CCDC148: variants seen among roughly 807,000 people sequenced by gnomAD.
The protein encoded by CCDC148 is coiled-coil domain containing 148.
Under a neutral mutation model 85.7 loss-of-function variants are expected in CCDC148, and 89 were observed. That is an observed-to-expected ratio of 1.04 (90% CI 0.87 to 1.24). CCDC148 has a LOEUF of 1.24. Among genes scored for constraint, CCDC148 ranks in the 50% most tolerant of loss-of-function variants. CCDC148 has a pLI of 0.00. For missense variants in CCDC148, 692 were observed against 671.7 expected (o/e 1.03, Z -0.33); for synonymous variants, 230 against 213.9 (o/e 1.08, Z -0.66).
intron 2 of CCDC148, among the ~76,000 whole-genome samples, chr2:158,349,195 T>G (rs770837972): frequency 1.3e-5 from 2 of 152,076 alleles, no homozygotes; most frequent in Non-Finnish European, 2.9e-5. Context: ...AGCAATAATC[T>G]CTTTATGTGC....
intron 1 of CCDC148, chr2:158,425,139 G>T (rs1687015777): frequency 2.0e-6 from 1 of 505,458 alleles, no homozygotes; most frequent in South Asian, 1.4e-5. Context: ...TAGTGCCTAT[G>T]GTGGTGATCA....
chr2:158,189,664 C>T (rs1685325930), intron 11 of CCDC148, among the ~76,000 whole-genome samples: 1 of 151,932 alleles, frequency 6.6e-6, no homozygotes, highest in East Asian at 1.9e-4. Context: ...AGAAACCTTT[C>T]TCAATAGACC....
chr2:158,190,234 C>G (rs1180738096), intron 11 of CCDC148, among the ~76,000 whole-genome samples: 1 of 151,892 alleles, frequency 6.6e-6, no homozygotes, highest in African/African-American at 2.4e-5. Flanking sequence ...TTGCTAGGAT[C>G]ATGATTTTGG....
intron 1 of CCDC148, chr2:158,420,090 G>A (rs1275239660): frequency 6.6e-6 from 1 of 152,106 alleles, no homozygotes; most frequent in Non-Finnish European, 1.5e-5. Context: ...GCAAGAATGA[G>A]CAAGATGATA....
At chr2:158,316,874 C>T (rs1692305178) in intron 7 of CCDC148, among the ~76,000 whole-genome samples, 1 of 152,190 alleles carries the variant, frequency 6.6e-6, no homozygotes, top group African/African-American at 2.4e-5. Context: ...TTCTGAGGAA[C>T]ATGCACTTTG....
At chr2:158,406,956 G>A (rs1686054000) in intron 1 of CCDC148, among the ~76,000 whole-genome samples, 1 of 151,984 alleles carries the variant, frequency 6.6e-6, no homozygotes. Context: ...TAATTAATTA[G>A]ACTATTTTTG....
intron 1 of CCDC148, among the ~76,000 whole-genome samples, chr2:158,387,975 G>A (rs1375208774): frequency 3.3e-5 from 5 of 152,176 alleles, no homozygotes; most frequent in Non-Finnish European, 7.3e-5. Flanking sequence ...CAGTTCCAGT[G>A]TAGAGACCAG....
chr2:158,355,458 A>G (rs1683578704), intron 2 of CCDC148, among the ~76,000 whole-genome samples: 1 of 152,100 alleles, frequency 6.6e-6, no homozygotes. Flanking sequence ...GAGCCAAATC[A>G]TGAGTGAACT....
intron 9 of CCDC148, among the ~76,000 whole-genome samples, chr2:158,280,853 C>T (rs1246780417): frequency 6.6e-6 from 1 of 152,120 alleles, no homozygotes; most frequent in African/African-American, 2.4e-5. Context: ...CACACCTATT[C>T]CAAAACTGAC....
At chr2:158,357,341 A>T (rs988591690) in intron 2 of CCDC148, among the ~76,000 whole-genome samples, 1 of 152,178 alleles carries the variant, frequency 6.6e-6, no homozygotes, top group African/African-American at 2.4e-5. Flanking sequence ...CTTCAAGGCA[A>T]ATAGTAGGCA....
At chr2:158,277,842 C>T (rs2105170075) in intron 9 of CCDC148, among the ~76,000 whole-genome samples, 1 of 152,274 alleles carries the variant, frequency 6.6e-6, no homozygotes, top group Non-Finnish European at 1.5e-5. Flanking sequence ...GTGATCCGCC[C>T]ACTTCAGCCT....
At chr2:158,193,097 T>G (rs893702387) in intron 11 of CCDC148, among the ~76,000 whole-genome samples, 1 of 152,072 alleles carries the variant, frequency 6.6e-6, no homozygotes, top group Non-Finnish European at 1.5e-5. Context: ...TCCTTTTGAA[T>G]ATACATCTTT....
intron 9 of CCDC148, among the ~76,000 whole-genome samples, chr2:158,262,358 G>C (rs116831919): frequency 0.084 from 12,800 of 151,984 alleles, 700 homozygotes; most frequent in East Asian, 0.15. Context: ...GAGTCTATTT[G>C]AGAGTGGAGT....
intron 11 of CCDC148, among the ~76,000 whole-genome samples, chr2:158,212,449 GA>G (rs1349797882): frequency 6.6e-6 from 1 of 152,118 alleles, no homozygotes; most frequent in African/African-American, 2.4e-5. Flanking sequence ...GGAAAATAGA[GA>G]GAAACATCTG....
intron 9 of CCDC148, among the ~76,000 whole-genome samples, chr2:158,264,506 T>C (rs1045106671): frequency 2.0e-5 from 3 of 152,112 alleles, no homozygotes; most frequent in Non-Finnish European, 4.4e-5. Flanking sequence ...TGCATGTTGA[T>C]ATGTGTGCAT....
intron 2 of CCDC148, among the ~76,000 whole-genome samples, chr2:158,355,322 A>G (rs956098558): frequency 2.0e-5 from 3 of 151,864 alleles, no homozygotes; most frequent in African/African-American, 7.2e-5. Flanking sequence ...TTGTTTATCT[A>G]GAAAACCCCA....
At chr2:158,407,186 A>G (rs900613813) in intron 1 of CCDC148, among the ~76,000 whole-genome samples, 3 of 152,108 alleles carry the variant, frequency 2.0e-5, no homozygotes, top group Non-Finnish European at 2.9e-5. Context: ...GCCATCTGCC[A>G]CCCAAGCTGT....
At chr2:158,204,916 C>T (rs1005531305) in intron 11 of CCDC148, among the ~76,000 whole-genome samples, 1 of 152,134 alleles carries the variant, frequency 6.6e-6, no homozygotes, top group African/African-American at 2.4e-5. Context: ...AGTGGATCTA[C>T]CAGGAACTGG....
intron 7 of CCDC148, among the ~76,000 whole-genome samples, chr2:158,326,427 T>C (rs1039701104): frequency 2.0e-5 from 3 of 152,222 alleles, no homozygotes; most frequent in African/African-American, 4.8e-5. Context: ...TTATGTATTA[T>C]GTTTATGGTT....
Sources: gnomAD v4.1 joint callset for allele counts (sites outside exome capture counted in the v4.1 genomes callset) on GRCh38, gnomAD v4.1.1 for gene constraint, MANE v1.5 for transcripts, NCBI Gene and HGNC (gene_info 2026-07-23, HGNC 2026-07-21) for gene names.